The following MAPRE2 variants were observed in gnomAD, a reference collection of about 807,000 sequenced individuals.
The protein encoded by MAPRE2 is microtubule associated protein RP/EB family member 2.
Under a neutral mutation model 43.2 loss-of-function variants are expected in MAPRE2, and 13 were observed. The observed-to-expected ratio is 0.30, with a 90% CI of 0.20 to 0.48. The LOEUF is 0.48. MAPRE2 is among the 20% of genes least tolerant of loss of function. MAPRE2 has a pLI of 0.99. For missense variants in MAPRE2, 161 were observed against 400.2 expected, an observed-to-expected ratio of 0.40 and a Z score of 5.10; for synonymous variants, 135 against 148.8, an observed-to-expected ratio of 0.91 and a Z score of 0.68.
Position 35,041,476 on chromosome 18 carries a change from G to A in MAPRE2, c.-64G>A. The stretch of plus-strand genomic sequence containing the variant: ...TGCGGAGCAGGCGAGCGAGCGGGAA[G>A]ACGCAGCCACCTTCCTCACCAGCCA... On this transcript the variant is annotated 5_prime_UTR_variant, in exon 1 of 7. Transcript: ENST00000300249. 1 of 1,612,364 alleles carries A rather than the reference G, an allele frequency of 6.2e-7. No homozygotes were observed. The highest frequency in any genetic ancestry group is 8.5e-7 in the Non-Finnish European group (1 of 1,179,202).
At chr18:35,133,623 G>A (rs1313835241) in intron 6 of MAPRE2, among the ~76,000 whole-genome samples, 4 of 152,332 alleles carry the variant, frequency 2.6e-5, no homozygotes, top group Middle Eastern at 3.4e-3. Context: ...GAATAAGGCC[G>A]GCGTGCAGGA....
rs751877457 is a variant in MAPRE2, at chr18:35,132,097, G to A, written c.816G>A (p.Leu272=). 6 of 1,614,186 alleles carry A rather than the reference G, an allele frequency of 3.7e-6. No homozygotes were observed. The Admixed American group carries it at 1.0e-4, about 27-fold the overall frequency. Residue 272 remains leucine, a synonymous_variant, in exon 6 of 7, where the codon TTG becomes TTA. Coordinates refer to ENST00000300249, the MANE Select transcript of MAPRE2 (RefSeq NM_014268.4). ...AAAGGGATTTCTACTTTGGGAAGTT[G>A]AGAGAGATCGAGCTACTCTGCCAAG... ...EKERDFYFGK[L]REIELLCQEH...
chr18:35,048,101 T>C (rs1298744311), intron 1 of MAPRE2, among the ~76,000 whole-genome samples: 1 of 152,178 alleles, frequency 6.6e-6, no homozygotes, highest in Non-Finnish European at 1.5e-5. Context: ...TCTGCTCAGC[T>C]TCTGGGGAGG....
intron 6 of MAPRE2, among the ~76,000 whole-genome samples, chr18:35,133,099 A>T (rs112409809): frequency 3.3e-5 from 5 of 152,216 alleles, no homozygotes; most frequent in African/African-American, 1.2e-4. Flanking sequence ...GTATGTGTTG[A>T]TATTTCTATA....
chr18:35,129,667 C>T (rs778595991), intron 5 of MAPRE2, among the ~76,000 whole-genome samples: 3 of 152,138 alleles, frequency 2.0e-5, no homozygotes, highest in African/African-American at 7.2e-5. Context: ...GCTCGGAGCG[C>T]GGGTGGGGCC....
intron 2 of MAPRE2, among the ~76,000 whole-genome samples, chr18:35,012,158 G>C (rs1355538768): frequency 6.6e-6 from 1 of 152,170 alleles, no homozygotes; most frequent in Non-Finnish European, 1.5e-5. Context: ...TTGTAAACGT[G>C]AGGACAAGAA....
At chr18:35,044,970 A>G (rs1014495615) in intron 1 of MAPRE2, among the ~76,000 whole-genome samples, 7 of 152,250 alleles carry the variant, frequency 4.6e-5, no homozygotes, top group African/African-American at 1.7e-4. Flanking sequence ...TATTGAAACT[A>G]GCTTGCACCT....
chr18:35,088,782 G>T (rs186542607), intron 2 of MAPRE2, among the ~76,000 whole-genome samples: 79 of 152,224 alleles, frequency 5.2e-4, no homozygotes, highest in Non-Finnish European at 8.5e-4. Context: ...GGTCAATAAG[G>T]CCAAATACTA....
At chr18:35,012,309 T>C (rs2097035294) in intron 2 of MAPRE2, among the ~76,000 whole-genome samples, 1 of 152,066 alleles carries the variant, frequency 6.6e-6, no homozygotes, top group South Asian at 2.1e-4. Context: ...GCTTTGAGGG[T>C]CACTAGCATG....
At chr18:34,994,057 C>T (rs1208107387) in intron 1 of MAPRE2, among the ~76,000 whole-genome samples, 1 of 144,166 alleles carries the variant, frequency 6.9e-6, no homozygotes, top group Non-Finnish European at 1.5e-5. Context: ...GTTTATAGCA[C>T]ATCATTTGCT....
chr18:35,077,272 T>C lies in MAPRE2; in HGVS notation c.250+6950T>C, dbSNP rs55783228. On this transcript the variant is annotated intron_variant, in intron 2 of 6. Transcript: ENST00000300249. ...GCGCACACACACACACACACACACA[T>C]ACACACACACACACACACAATTGGT... Among the ~76,000 whole-genome samples the C allele has an allele frequency of 2.8e-3, 241 of 84,564 alleles. 2 individuals carry two copies. The highest frequency in any genetic ancestry group is 0.014 in the East Asian group (15 of 1,096). 55.5% of individuals were successfully genotyped at this position (84,564 alleles called of 152,430 possible).
intron 1 of MAPRE2, among the ~76,000 whole-genome samples, chr18:35,002,436 G>C (rs1196274492): frequency 2.6e-5 from 4 of 152,154 alleles, no homozygotes; most frequent in South Asian, 2.1e-4. Flanking sequence ...GCCAAAGTGA[G>C]CAATTGCTGG....
At chr18:34,999,209 C>G (rs997436568) in intron 1 of MAPRE2, among the ~76,000 whole-genome samples, 1 of 151,988 alleles carries the variant, frequency 6.6e-6, no homozygotes, top group African/African-American at 2.4e-5. Flanking sequence ...TCTATGCTTA[C>G]GACTCTATTT....
At chr18:35,059,062 G>A (rs1027824777) in intron 1 of MAPRE2, among the ~76,000 whole-genome samples, 1 of 152,112 alleles carries the variant, frequency 6.6e-6, no homozygotes, top group African/African-American at 2.4e-5. Flanking sequence ...AAAAATTCCT[G>A]TTTTACTCTT....
At chr18:34,992,277 A>T (rs2097024212) in intron 1 of MAPRE2, among the ~76,000 whole-genome samples, 1 of 152,218 alleles carries the variant, frequency 6.6e-6, no homozygotes, top group Non-Finnish European at 1.5e-5. Flanking sequence ...AGAAAACATG[A>T]AGTAAGACAA....
chr18:35,135,987 C>A (rs1173120572), intron 6 of MAPRE2, among the ~76,000 whole-genome samples: 2 of 152,240 alleles, frequency 1.3e-5, no homozygotes, highest in Non-Finnish European at 2.9e-5. Context: ...GGGGAGATCT[C>A]TTCCCCTGAG....
At chr18:35,137,868 T>C (rs147325139) in intron 6 of MAPRE2, among the ~76,000 whole-genome samples, 4 of 152,264 alleles carry the variant, frequency 2.6e-5, no homozygotes, top group African/African-American at 4.8e-5. Flanking sequence ...GGAGTGACTT[T>C]CTCATAATTT....
chr18:35,130,491 T>G (rs1390268577), intron 5 of MAPRE2, among the ~76,000 whole-genome samples: 1 of 152,162 alleles, frequency 6.6e-6, no homozygotes, highest in East Asian at 1.9e-4. Context: ...GGATGGACAC[T>G]GCATGGGCTC....
At chr18:35,120,705 C>G (rs1370212882) in intron 4 of MAPRE2, among the ~76,000 whole-genome samples, 1 of 152,202 alleles carries the variant, frequency 6.6e-6, no homozygotes, top group South Asian at 2.1e-4. Flanking sequence ...AGCCCATACC[C>G]TTTCTCCAGC....
Sources: gnomAD v4.1 joint callset for allele counts (sites outside exome capture counted in the v4.1 genomes callset) on GRCh38, gnomAD v4.1.1 for gene constraint, MANE v1.5 for transcripts, NCBI Gene and HGNC (gene_info 2026-07-23, HGNC 2026-07-21) for gene names.